Variants in NCAM2 observed in about 807,000 individuals in gnomAD.
NCAM2 encodes N-CAM-2.
Under a neutral mutation model 98.1 loss-of-function variants are expected in NCAM2, and 30 were observed. The observed-to-expected ratio is 0.31, with a 90% CI of 0.23 to 0.41. The LOEUF (loss-of-function observed/expected upper bound fraction) is 0.41. Among genes scored for constraint, NCAM2 ranks in the 10% least tolerant of loss-of-function variants. The probability of loss-of-function intolerance (pLI) is 1.00; values close to 1 mark genes in which losing one functional copy is unlikely to be tolerated. For synonymous variants in NCAM2, 368 were observed against 342.4 expected, an observed-to-expected ratio of 1.07 and a Z score of -0.83; for missense variants, 867 against 1,005.8, an observed-to-expected ratio of 0.86 and a Z score of 1.87.
At chr21:21,270,859 A>C (rs1452010984) in intron 1 of NCAM2, among the ~76,000 whole-genome samples, 1 of 152,026 alleles carries the variant, frequency 6.6e-6, no homozygotes, top group Admixed American at 6.6e-5. Context: ...TAATGATTAT[A>C]TAATACATTG....
chr21:21,429,856 T>C (rs926408244), intron 11 of NCAM2, among the ~76,000 whole-genome samples: 31 of 152,152 alleles, frequency 2.0e-4, no homozygotes, highest in Non-Finnish European at 4.1e-4. Flanking sequence ...AGTTGAAATA[T>C]ACACTGTGGC....
At chr21:21,307,121 G>A (rs933225278) in intron 5 of NCAM2, among the ~76,000 whole-genome samples, 1 of 151,942 alleles carries the variant, frequency 6.6e-6, no homozygotes, top group East Asian at 1.9e-4. Context: ...GCCACACATT[G>A]AATATATTAC....
chr21:21,361,405 AAAC>A (rs2075641953), intron 8 of NCAM2, among the ~76,000 whole-genome samples: 1 of 152,110 alleles, frequency 6.6e-6, no homozygotes, highest in Non-Finnish European at 1.5e-5. Flanking sequence ...TGACCTAGTT[AAAC>A]AACCTCTTCT....
chr21:21,167,543 G>T (rs537604422), intron 1 of NCAM2, among the ~76,000 whole-genome samples: 1 of 152,142 alleles, frequency 6.6e-6, no homozygotes, highest in Non-Finnish European at 1.5e-5. Flanking sequence ...AATAAGATTA[G>T]ATAAGAGTAC....
intron 15 of NCAM2, among the ~76,000 whole-genome samples, chr21:21,488,865 A>T (rs1458256861): frequency 1.3e-5 from 2 of 152,046 alleles, no homozygotes; most frequent in Non-Finnish European, 2.9e-5. Flanking sequence ...GATCATACCT[A>T]AATATGTAAC....
intron 6 of NCAM2, among the ~76,000 whole-genome samples, chr21:21,329,787 A>G (rs1336653497): frequency 3.3e-5 from 5 of 152,150 alleles, no homozygotes; most frequent in Non-Finnish European, 7.4e-5. Flanking sequence ...CATCCATGTC[A>G]TAATTTTTCT....
intron 9 of NCAM2, among the ~76,000 whole-genome samples, chr21:21,394,462 G>A (rs1399780110): frequency 7.8e-6 from 1 of 128,402 alleles, no homozygotes; most frequent in African/African-American, 2.9e-5. Flanking sequence ...TTAATTTAAG[G>A]GGCCAGCTTT....
At position 21,413,278 on chromosome 21, in the gene NCAM2, T is replaced by C. The variant is rs946780901; in HGVS notation, c.1383+2817T>C. The stretch of plus-strand genomic sequence containing the variant: ...TTGCATTGTCTGTATCTTTGTTTCA[T>C]ATCCTAAATAGGGGTGCTTACTGTT... On this transcript the variant is annotated intron_variant, in intron 10 of 17. Coordinates refer to ENST00000400546, the MANE Select transcript of NCAM2 (RefSeq NM_004540.5). Among the ~76,000 whole-genome samples, 4 of 152,196 alleles carry C rather than the reference T, an allele frequency of 2.6e-5. No homozygotes were observed. In the East Asian group the frequency reaches 5.8e-4, roughly 22 times the overall value.
chr21:21,068,197 C>T (rs1471485317), intron 1 of NCAM2, among the ~76,000 whole-genome samples: 8 of 136,820 alleles, frequency 5.8e-5, no homozygotes, highest in Non-Finnish European at 1.1e-4. Context: ...AGTACAGTGG[C>T]GCTTGGCTCA....
intron 1 of NCAM2, among the ~76,000 whole-genome samples, chr21:21,194,352 T>G (rs1243025862): frequency 6.6e-6 from 1 of 152,214 alleles, no homozygotes; most frequent in Non-Finnish European, 1.5e-5. Flanking sequence ...GAAACCACAT[T>G]TATAAAGAGA....
intron 10 of NCAM2, among the ~76,000 whole-genome samples, chr21:21,414,537 C>A (rs956110904): frequency 6.7e-6 from 1 of 148,408 alleles, no homozygotes; most frequent in African/African-American, 2.5e-5. Context: ...ATGGCACGAT[C>A]TCCACTCACT....
At chr21:21,410,136 A>T (rs2076826193) in intron 9 of NCAM2, 138 bp from the exon 10 acceptor site, 3 of 547,734 alleles carry the variant, frequency 5.5e-6, no homozygotes, top group Non-Finnish European at 8.4e-6. Flanking sequence ...CCGTCTCAAA[A>T]AGAAAAAAAA....
intron 1 of NCAM2, among the ~76,000 whole-genome samples, chr21:21,016,841 C>A (rs2064319904): frequency 6.6e-6 from 1 of 152,124 alleles, no homozygotes; most frequent in African/African-American, 2.4e-5. Context: ...GGAGTTTGAA[C>A]TCAGGCTTGC....
intron 8 of NCAM2, among the ~76,000 whole-genome samples, chr21:21,351,273 T>C (rs1172086291): frequency 2.6e-5 from 4 of 152,096 alleles, no homozygotes; most frequent in Admixed American, 2.6e-4. Flanking sequence ...AACTCAAATA[T>C]TATTGGCGAT....
intron 16 of NCAM2, among the ~76,000 whole-genome samples, chr21:21,519,438 C>A (rs954639274): frequency 6.6e-6 from 1 of 151,950 alleles, no homozygotes; most frequent in African/African-American, 2.4e-5. Context: ...GGGGTAGTGT[C>A]AATCACCTGA....
At chr21:21,049,596 G>T (rs940309622) in intron 1 of NCAM2, among the ~76,000 whole-genome samples, 1 of 151,786 alleles carries the variant, frequency 6.6e-6, no homozygotes, top group African/African-American at 2.4e-5. Context: ...TGTTAGCCAG[G>T]CGTGGGGGCT....
At chr21:21,238,154 G>T (rs1676915331) in intron 1 of NCAM2, among the ~76,000 whole-genome samples, 1 of 151,650 alleles carries the variant, frequency 6.6e-6, no homozygotes, top group Non-Finnish European at 1.5e-5. Context: ...GTGGGGTTTT[G>T]TCATCTTGGC....
At chr21:21,068,161 G>A (rs989395192) in intron 1 of NCAM2, among the ~76,000 whole-genome samples, 8 of 133,446 alleles carry the variant, frequency 6.0e-5, no homozygotes, top group Admixed American at 8.4e-5. Context: ...TTTTGAGACG[G>A]AGTCTTGCTC....
chr21:21,176,531 A>G (rs181693462), intron 1 of NCAM2, among the ~76,000 whole-genome samples: 315 of 152,212 alleles, frequency 2.1e-3, no homozygotes, highest in African/African-American at 7.3e-3. Context: ...GAGTTTTTCT[A>G]TGAAAATGTA....
Sources: allele counts gnomAD v4.1 joint callset (sites outside exome capture counted in the v4.1 genomes callset), GRCh38; gene constraint gnomAD v4.1.1; transcripts MANE v1.5; gene names NCBI Gene and HGNC (gene_info 2026-07-23, HGNC 2026-07-21).